Variants in ACP6 observed in about 807,000 individuals in gnomAD.
ACP6 encodes the protein acid phosphatase 6, lysophosphatidic, also known as lysophosphatidic acid phosphatase type 6.
A neutral mutation model predicts 48.1 loss-of-function variants in ACP6; 48 were observed. That is an observed-to-expected ratio of 1.00 (90% CI 0.79 to 1.27). The LOEUF is 1.27. ACP6 is among the 50% of genes most tolerant of loss of function. The pLI, the probability that ACP6 is intolerant of heterozygous loss-of-function variation, is 0.00. For missense variants in ACP6, 485 were observed against 529.1 expected (o/e 0.92, Z 0.82); for synonymous variants, 172 against 204.2 (o/e 0.84, Z 1.34).
rs1659581984 is a variant in ACP6 at position 147,645,306 on chromosome 1, C to T, written c.*2117G>A. The T allele has an allele frequency of 1.3e-5, 2 of 151,980 alleles. No homozygotes were observed. The highest frequency in any genetic ancestry group is 2.9e-5 in the Non-Finnish European group (2 of 68,022). 9.4% of individuals were successfully genotyped at this position (151,980 alleles called of 1,614,324 possible). ...GTTTTGCCATGTTGGCCAGGCTGGTCTCGAACTCCTGGCCTCAGGTGATCT... is the reference window on the plus strand; with the variant it reads ...GTTTTGCCATGTTGGCCAGGCTGGTTTCGAACTCCTGGCCTCAGGTGATCT... On this transcript the variant is annotated 3_prime_UTR_variant, in exon 10 of 10. Transcript: ENST00000583509.
intron 4 of ACP6, among the ~76,000 whole-genome samples, chr1:147,655,881 C>T (rs182259421): frequency 1.8e-4 from 27 of 152,268 alleles, no homozygotes; most frequent in Middle Eastern, 3.4e-3. Flanking sequence ...TGTCCCCTCC[C>T]GTCAATGCCC....
At position 147,656,220 on chromosome 1, in the gene ACP6, T is replaced by G. The variant is rs1157799638; in HGVS notation, c.560-972A>C. On this transcript the variant is annotated intron_variant, in intron 4 of 9. Coordinates refer to ENST00000583509, the MANE Select transcript of ACP6 (RefSeq NM_016361.5). ...ACACTGAAAGTCATGAGTTTAGTCT[T>G]CAGTCCAGAACTAACCAGCAGTCGC... Among the ~76,000 whole-genome samples the G allele has an allele frequency of 9.9e-5, 15 of 152,216 alleles. No homozygotes were observed. The East Asian group carries it at 2.1e-3, about 21-fold the overall frequency.
chr1:147,632,078 C>T (rs1553207455), intron 5 of ACP6, among the ~76,000 whole-genome samples: 1 of 151,958 alleles, frequency 6.6e-6, no homozygotes, highest in Non-Finnish European at 1.5e-5. Flanking sequence ...GCCTGGCATA[C>T]TTGACTCCAG....
In ACP6 at chr1:147,648,425, C is replaced by T. The variant is rs372793677; in HGVS notation, c.978-14G>A. 7.3e-5 allele frequency: 118 copies of T among 1,613,734 alleles called. 1 individual carries two copies. In the South Asian group the frequency reaches 1.2e-3, roughly 17 times the overall value. ...AGATACAGCTTTCTGCAAGAGGAAA[C>T]AGCTCTCCACAATTCTCTGCCTCAG... On this transcript the variant is annotated splice_polypyrimidine_tract_variant and intron_variant, in intron 8 of 9. Coordinates refer to ENST00000583509, the MANE Select transcript of ACP6 (RefSeq NM_016361.5).
In ACP6 at chr1:147,642,853, C is replaced by CTT. The variant is rs1482221234; in HGVS notation, c.*4569_*4570insAA. 6 of 152,156 alleles carry CTT rather than the reference C, an allele frequency of 3.9e-5. No individual in the cohort carries two copies. The highest frequency in any genetic ancestry group is 8.8e-5 in the Non-Finnish European group (6 of 68,056). The allele number at this position is 152,156 out of a possible 1,614,324, so 9.4% of individuals were successfully genotyped here. A position where few individuals can be genotyped will look rare whatever the true frequency, so the allele number is the denominator to read the frequency against. On this transcript the variant is annotated 3_prime_UTR_variant, in exon 10 of 10. Transcript: ENST00000583509. ...ATCACAGGGCGGGGGAAAGACAAGA[C>CTT]AAGTGTATTCATTTGCTAGGGCCTG... is the stretch of plus-strand genomic sequence containing the variant.
At position 147,669,986 on chromosome 1, in the gene ACP6, C is replaced by G; in HGVS notation, c.63G>C (p.Ala21=). 1 of 1,548,538 alleles carries G rather than the reference C, an allele frequency of 6.5e-7. No homozygotes were observed. The highest frequency in any genetic ancestry group is 8.7e-7 in the Non-Finnish European group (1 of 1,146,168). ...WTPVGVLTSL[A]YCLHQRRVAL... is the part of the protein sequence containing the mutation. Reference sequence around the variant, plus strand: ...CCACCCGCCGCTGGTGCAGGCAGTACGCCAGCGAGGTCAGGACGCCCACTG... The same window carrying G: ...CCACCCGCCGCTGGTGCAGGCAGTAGGCCAGCGAGGTCAGGACGCCCACTG... Residue 21 remains alanine (A), a synonymous_variant, in exon 1 of 10, where the codon GCG becomes GCC. Coordinates refer to ENST00000583509, the MANE Select transcript of ACP6 (RefSeq NM_016361.5).
chr1:147,641,096 C>T (rs1332421756), downstream of ACP6, among the ~76,000 whole-genome samples: 1 of 152,180 alleles, frequency 6.6e-6, no homozygotes, highest in African/African-American at 2.4e-5. Flanking sequence ...TTAGCCCACC[C>T]CTCCCCCCAC....
chr1:147,630,136 GAACAGGT>G (rs1659124117), exon 6 of ACP6: 7 of 152,190 alleles, frequency 4.6e-5, no homozygotes, highest in African/African-American at 1.7e-4. Flanking sequence ...GGGTTCCAAA[GAACAGGT>G]TAAAGAGACC....
At chr1:147,649,843 G>T in intron 8 of ACP6, 1 of 417,206 alleles carries the variant, frequency 2.4e-6, no homozygotes, top group East Asian at 5.3e-5. Context: ...TCTTTGTTTT[G>T]GACTATTATC....
intron 1 of ACP6, among the ~76,000 whole-genome samples, chr1:147,664,633 C>G (rs1316843965): frequency 6.6e-6 from 1 of 152,196 alleles, no homozygotes; most frequent in Non-Finnish European, 1.5e-5. Flanking sequence ...CAAAGGGCCT[C>G]ACACACAGTA....
chr1:147,631,895 T>C (rs1291673967), intron 5 of ACP6, among the ~76,000 whole-genome samples: 1 of 152,128 alleles, frequency 6.6e-6, no homozygotes, highest in Non-Finnish European at 1.5e-5. Flanking sequence ...CTTCCTAATG[T>C]AATTAGTATG....
At chr1:147,656,896 A>C (rs587678244) in intron 4 of ACP6, among the ~76,000 whole-genome samples, 3 of 152,240 alleles carry the variant, frequency 2.0e-5, no homozygotes, top group East Asian at 1.9e-4. Flanking sequence ...AAAATAGTAC[A>C]GGGTAATACA....
exon 6 of ACP6, chr1:147,630,293 G>C (rs1659131921): frequency 6.6e-6 from 1 of 152,234 alleles, no homozygotes; most frequent in Non-Finnish European, 1.5e-5. Flanking sequence ...CCGCAGCTCT[G>C]TGCTAGCCAC....
rs587714105 is a variant in ACP6, at chr1:147,664,476, C to G, written c.220-4701G>C. On this transcript the variant is annotated intron_variant, in intron 1 of 9. Coordinates refer to ENST00000583509, the MANE Select transcript of ACP6 (RefSeq NM_016361.5). ...GACTTAGCTTAAGTGTTCCCAGAAACCTTGGTCATGGCCTTATGCTTTCAC... is the reference window on the plus strand; with the variant it reads ...GACTTAGCTTAAGTGTTCCCAGAAAGCTTGGTCATGGCCTTATGCTTTCAC... 3.3e-5 allele frequency among the ~76,000 whole-genome samples: 5 copies of G among 152,302 alleles called. No homozygotes were observed. In the South Asian group the frequency reaches 1.0e-3, roughly 32 times the overall value.
intron 5 of ACP6, among the ~76,000 whole-genome samples, chr1:147,635,787 C>T (rs1335296793): frequency 1.3e-5 from 2 of 152,160 alleles, no homozygotes; most frequent in Non-Finnish European, 2.9e-5. Flanking sequence ...GCCAAGAACT[C>T]AGTCATGAGG....
rs1040895835 is a variant in ACP6 at position 147,650,186 on chromosome 1, G to T, written c.934C>A (p.Leu312Met). ...GTGGCAGAGTCCATGGCTTTCAGCA[G>T]GTTGCTCTCTAGGATGTGGAGGAAT... ...GPFLHILESN[L>M]LKAMDSATAP... The change falls in exon 8 of 10, where the codon CTG becomes ATG. Residue 312 changes from leucine (L) to methionine (M), a missense_variant. Leu to Met is a conservative substitution (Grantham distance 15, BLOSUM62 2). Coordinates refer to ENST00000583509, the MANE Select transcript of ACP6 (RefSeq NM_016361.5). The T allele has an allele frequency of 5.0e-6, 8 of 1,606,864 alleles. No individual in the cohort carries two copies. The South Asian group carries it at 7.8e-5, about 16-fold the overall frequency.
At chr1:147,648,055 C>A in intron 9 of ACP6, 191 bp downstream of exon 9, 1 of 630,486 alleles carries the variant, frequency 1.6e-6, no homozygotes, top group South Asian at 2.1e-5. Flanking sequence ...CAAGCCCCAT[C>A]CTGCCACCAT....
intron 5 of ACP6, among the ~76,000 whole-genome samples, chr1:147,636,989 T>A (rs1180831523): frequency 6.6e-6 from 1 of 152,188 alleles, no homozygotes; most frequent in East Asian, 1.9e-4. Flanking sequence ...TTTCAAGAGC[T>A]ACTGGAGTCC....
At chr1:147,638,714 A>T (rs1270081075), downstream of ACP6, among the ~76,000 whole-genome samples, 1 of 152,112 alleles carries the variant, frequency 6.6e-6, no homozygotes, top group African/African-American at 2.4e-5. Context: ...GCCCATACAT[A>T]CCCATCTTGT....
Sources: gnomAD v4.1 joint callset for allele counts (sites outside exome capture counted in the v4.1 genomes callset) on GRCh38, gnomAD v4.1.1 for gene constraint, MANE v1.5 for transcripts, NCBI Gene and HGNC (gene_info 2026-07-23, HGNC 2026-07-21) for gene names.